The following AGPAT3 variants were observed in gnomAD, a reference collection of about 807,000 sequenced individuals.
AGPAT3 encodes the protein 1-acyl-sn-glycerol-3-phosphate acyltransferase gamma.
Under a neutral mutation model 47.3 loss-of-function variants are expected in AGPAT3, and 5 were observed. The ratio of observed to expected loss-of-function variants is 0.11; its 90% confidence interval spans 0.06 to 0.22. The LOEUF (loss-of-function observed/expected upper bound fraction) is 0.22, where lower values mean the gene tolerates loss of function less well. Ranked by LOEUF, AGPAT3 falls within the 10% of genes least tolerant of loss-of-function variation. AGPAT3 has a pLI of 1.00. For synonymous variants in AGPAT3, 212 were observed against 208.3 expected, an observed-to-expected ratio of 1.02 and a Z score of -0.15; for missense variants, 315 against 493.0, an observed-to-expected ratio of 0.64 and a Z score of 3.42.
rs1180462273 is a variant in AGPAT3, at chr21:43,971,452, C to T, written c.729C>T (p.Ile243=). Residue 243 remains isoleucine (I), a synonymous_variant, in exon 7 of 10, where the codon ATC becomes ATT. Transcript: ENST00000291572. ...ACAAGAACCCGTCCCTGCTGGGGAT[C>T]CTCTACGGGAAGAAGTACGAGGCGG... The part of the protein sequence containing the change: ...RGNKNPSLLG[I]LYGKKYEADM... 2 of 1,614,248 alleles carry T rather than the reference C, an allele frequency of 1.2e-6. No homozygotes were observed. The highest frequency in any genetic ancestry group is 1.3e-5 in the African/African-American group (1 of 75,070).
In AGPAT3 at chr21:43,986,772, G is replaced by C. The variant is rs2030342353; in HGVS notation, c.*4380G>C. 6.6e-6 allele frequency among the ~76,000 whole-genome samples: 1 copy of C among 152,244 alleles called. No individual in the cohort carries two copies. Among genetic ancestry groups the C allele is most frequent in the Non-Finnish European group, 1.5e-5 (1 of 68,036 alleles). ...CTATGATTGAAAATCTGCCATCGCT[G>C]ACTGTTGGCCAGTTTCAAAGGGACC... On this transcript the variant is annotated 3_prime_UTR_variant, in exon 10 of 10. Transcript: ENST00000291572.
intron 1 of AGPAT3, among the ~76,000 whole-genome samples, chr21:43,899,960 T>C (rs1348019895): frequency 1.3e-5 from 2 of 152,188 alleles, no homozygotes; most frequent in Non-Finnish European, 2.9e-5. Flanking sequence ...CACCGCCTTC[T>C]TTTTGCTGAT....
chr21:43,883,430 G>A (rs2085898368), intron 1 of AGPAT3, among the ~76,000 whole-genome samples: 7 of 152,222 alleles, frequency 4.6e-5, no homozygotes, highest in Admixed American at 4.6e-4. Flanking sequence ...ATAAGATGGG[G>A]AAAATCCCTG....
chr21:43,968,717 C>T (rs2089262150), intron 4 of AGPAT3, among the ~76,000 whole-genome samples: 1 of 152,078 alleles, frequency 6.6e-6, no homozygotes, highest in African/African-American at 2.4e-5. Flanking sequence ...TTGAGATGAC[C>T]CCACCTGCGT....
intron 2 of AGPAT3, among the ~76,000 whole-genome samples, chr21:43,941,402 T>C (rs913250140): frequency 7.9e-5 from 12 of 152,094 alleles, no homozygotes; most frequent in Non-Finnish European, 1.6e-4. Context: ...ATCAATACTA[T>C]TTACAAAGAG....
intron 1 of AGPAT3, among the ~76,000 whole-genome samples, chr21:43,901,290 T>A (rs1428423353): frequency 1.4e-5 from 2 of 142,570 alleles, no homozygotes; most frequent in African/African-American, 5.2e-5. Flanking sequence ...GCCACTGTAC[T>A]CTAGTCCAGG....
intron 3 of AGPAT3, chr21:43,966,584 T>C (rs2089140719): frequency 6.6e-6 from 1 of 152,254 alleles, no homozygotes; most frequent in Non-Finnish European, 1.5e-5. Context: ...TGCAGCATCA[T>C]GACCGCTGGG....
intron 2 of AGPAT3, among the ~76,000 whole-genome samples, chr21:43,910,696 C>A (rs1208846889): frequency 1.3e-5 from 2 of 152,132 alleles, no homozygotes; most frequent in African/African-American, 4.8e-5. Flanking sequence ...TATCTTTGTG[C>A]TCTGAAGTGT....
rs779404433 is a variant in AGPAT3 at position 43,939,938 on chromosome 21, C to A, written c.-48-19696C>A. On this transcript the variant is annotated intron_variant, in intron 2 of 9. Coordinates refer to ENST00000291572, the MANE Select transcript of AGPAT3 (RefSeq NM_020132.5). This position sits in a 1 kb window ranked among gnomAD's most constrained non-coding sequence, Gnocchi z 4.4. The stretch of plus-strand genomic sequence containing the variant: ...TTAGCCGGTGCCCCGACGGCAGAGC[C>A]CGCAGCTGTGCGCAGGAGGACGAAC... Among the ~76,000 whole-genome samples the A allele has an allele frequency of 9.9e-5, 15 of 152,210 alleles. No homozygotes were observed. The highest frequency in any genetic ancestry group is 1.8e-4 in the Non-Finnish European group (12 of 68,030).
intron 1 of AGPAT3, among the ~76,000 whole-genome samples, chr21:43,878,941 A>T (rs1056549171): frequency 2.6e-5 from 4 of 152,138 alleles, no homozygotes; most frequent in Non-Finnish European, 4.4e-5. Context: ...AGGTTTCACC[A>T]TATTGGCCAG....
intron 2 of AGPAT3, 80 bp downstream of exon 2, chr21:43,904,099 TG>T (rs1340957923): frequency 1.3e-5 from 2 of 149,762 alleles, no homozygotes; most frequent in African/African-American, 5.2e-5. Flanking sequence ...TGTGTGTGTG[TG>T]TGTATGTGTC....
At chr21:43,907,374 G>A (rs1253585832) in intron 2 of AGPAT3, among the ~76,000 whole-genome samples, 2 of 152,068 alleles carry the variant, frequency 1.3e-5, no homozygotes, top group African/African-American at 4.8e-5. Flanking sequence ...GCATGCTGAA[G>A]ATTTATGTAC....
Position 43,908,932 on chromosome 21 carries a change from C to T in AGPAT3, c.-49+4913C>T, listed in dbSNP as rs373487824. ...CCTGCTGTGCTCCGAGGTTGGCCTG[C>T]GTCTTTTGCTCCTGGGTCCTTACGT... On this transcript the variant is annotated intron_variant, in intron 2 of 9. Transcript: ENST00000291572. This position sits in a 1 kb window ranked among gnomAD's most constrained non-coding sequence, Gnocchi z 4.9. Among the ~76,000 whole-genome samples, 7 of 152,312 alleles carry T rather than the reference C, an allele frequency of 4.6e-5. No individual in the cohort carries two copies. The highest frequency in any genetic ancestry group is 1.2e-4 in the African/African-American group (5 of 41,578).
At chr21:43,894,130 G>A (rs1174522178) in intron 1 of AGPAT3, among the ~76,000 whole-genome samples, 1 of 151,974 alleles carries the variant, frequency 6.6e-6, no homozygotes, top group Admixed American at 6.6e-5. Context: ...ATTATCCTTT[G>A]CATCCTGTTT....
chr21:43,957,901 C>G, intron 2 of AGPAT3, among the ~76,000 whole-genome samples: 1 of 152,228 alleles, frequency 6.6e-6, no homozygotes, highest in Non-Finnish European at 1.5e-5. Flanking sequence ...CACCGGCTTC[C>G]CTGCTGAAAC....
intron 2 of AGPAT3, among the ~76,000 whole-genome samples, chr21:43,910,709 T>C (rs2086613257): frequency 1.3e-5 from 2 of 152,140 alleles, no homozygotes; most frequent in East Asian, 1.9e-4. Context: ...TGAAGTGTGA[T>C]GTATATGAGG....
intron 2 of AGPAT3, among the ~76,000 whole-genome samples, chr21:43,936,327 G>A (rs1312819536): frequency 1.3e-5 from 2 of 152,214 alleles, no homozygotes; most frequent in Admixed American, 6.5e-5. Context: ...TGGCGAGCAC[G>A]GCATTGTTTA....
intron 2 of AGPAT3, among the ~76,000 whole-genome samples, chr21:43,913,565 G>T (rs1210893898): frequency 6.6e-6 from 1 of 152,228 alleles, no homozygotes; most frequent in Non-Finnish European, 1.5e-5. Flanking sequence ...CAGCCTGGGT[G>T]ACAGAGCGAG....
chr21:43,938,811 C>T (rs987423538), intron 2 of AGPAT3, among the ~76,000 whole-genome samples: 2 of 152,276 alleles, frequency 1.3e-5, no homozygotes, highest in Middle Eastern at 3.4e-3. Flanking sequence ...AGTGGCTTAG[C>T]GGGCGATTCT....
Sources: allele counts gnomAD v4.1 joint callset (sites outside exome capture counted in the v4.1 genomes callset), GRCh38; gene constraint gnomAD v4.1.1; non-coding constraint Gnocchi (gnomAD v3.1); transcripts MANE v1.5; gene names NCBI Gene and HGNC (gene_info 2026-07-23, HGNC 2026-07-21).